The following EPHA6 variants were observed in gnomAD, a reference collection of about 807,000 sequenced individuals.
EPHA6 encodes ephrin type-A receptor 6.
EPHA6 carries 50 observed loss-of-function variants against 112.0 expected under a neutral mutation model. That is an observed-to-expected ratio of 0.45 (90% CI 0.36 to 0.56). The LOEUF is 0.56. Ranked by LOEUF, EPHA6 falls within the 20% of genes least tolerant of loss-of-function variation. The probability of loss-of-function intolerance (pLI) is 0.00; values close to 1 mark genes in which losing one functional copy is unlikely to be tolerated. For missense variants in EPHA6, 1,280 were observed against 1,417.4 expected (o/e 0.90, Z 1.56); for synonymous variants, 529 against 490.7 (o/e 1.08, Z -1.03).
intron 5 of EPHA6, among the ~76,000 whole-genome samples, chr3:97,248,368 T>G (rs1238089892): frequency 6.6e-6 from 1 of 152,020 alleles, no homozygotes; most frequent in Non-Finnish European, 1.5e-5. Context: ...ACATTTGATT[T>G]TAGTCTTCAG....
chr3:97,299,220 A>AGTGT (rs60777824), intron 5 of EPHA6, among the ~76,000 whole-genome samples: 19 of 133,390 alleles, frequency 1.4e-4, no homozygotes, highest in African/African-American at 4.4e-4. Flanking sequence ...TGTAGGGGGG[A>AGTGT]GTGTGTGTGT....
intron 3 of EPHA6, among the ~76,000 whole-genome samples, chr3:97,129,676 G>A (rs1468837941): frequency 1.3e-5 from 2 of 152,128 alleles, no homozygotes; most frequent in Admixed American, 1.3e-4. Context: ...GAGTTTTGCA[G>A]TAGTAGAGAG....
At chr3:97,072,488 A>C (rs2046391795) in intron 3 of EPHA6, among the ~76,000 whole-genome samples, 1 of 152,054 alleles carries the variant, frequency 6.6e-6, no homozygotes, top group Non-Finnish European at 1.5e-5. Context: ...AGCCGTTAGA[A>C]GGCACCAACC....
intron 14 of EPHA6, among the ~76,000 whole-genome samples, chr3:97,644,496 A>T (rs555026665): frequency 5.3e-4 from 80 of 152,184 alleles, no homozygotes; most frequent in African/African-American, 1.9e-3. Context: ...TAATGAATCC[A>T]GGAGCTGGTT....
chr3:97,718,658 C>A (rs958901389), intron 14 of EPHA6, among the ~76,000 whole-genome samples: 1 of 152,130 alleles, frequency 6.6e-6, no homozygotes, highest in South Asian at 2.1e-4. Context: ...TCCCTGCCCC[C>A]CAACACTCTT....
rs568480843 is a variant in EPHA6, at chr3:96,840,508, C to T, written c.385+25500C>T. ...GCCTTCGTTATTCTGGACCTTGGGC[C>T]TGTAGTCGTGAGCAAGAGTGATAGC... On this transcript the variant is annotated intron_variant, in intron 1 of 17. Coordinates refer to ENST00000389672, the MANE Select transcript of EPHA6 (RefSeq NM_001080448.3). Among the ~76,000 whole-genome samples, 191 of 152,166 alleles carry T rather than the reference C, an allele frequency of 1.3e-3. 1 individual carries two copies. Among genetic ancestry groups the T allele is most frequent in the Middle Eastern group, 0.01 (3 of 294 alleles).
intron 10 of EPHA6, among the ~76,000 whole-genome samples, chr3:97,513,165 C>T (rs868036343): frequency 1.3e-5 from 2 of 152,068 alleles, no homozygotes; most frequent in African/African-American, 2.4e-5. Context: ...AGACAAAATC[C>T]TTGTCCTCAA....
At chr3:97,382,939 G>A (rs992884955) in intron 5 of EPHA6, among the ~76,000 whole-genome samples, 2 of 152,070 alleles carry the variant, frequency 1.3e-5, no homozygotes, top group Admixed American at 1.3e-4. Context: ...ATCTACTCAT[G>A]TCCTGAAGAT....
intron 15 of EPHA6, among the ~76,000 whole-genome samples, chr3:97,727,335 T>C (rs1486457): frequency 0.98 from 149,315 of 152,174 alleles, 73,277 homozygotes; most frequent in East Asian, 0.99. Context: ...TGGTCAGAAA[T>C]AAACTTTTGA....
In EPHA6 at chr3:97,297,375, G is replaced by T. The variant is rs368977847; in HGVS notation, c.1606+53088G>T. ...TATTTTGATTGTTCTTTATGGAAAA[G>T]GCTAGTTCTGGCTGCCTTCAGTCAG... On this transcript the variant is annotated intron_variant, in intron 5 of 17. Transcript: ENST00000389672. 6.6e-5 allele frequency among the ~76,000 whole-genome samples: 10 copies of T among 152,100 alleles called. No individual in the cohort carries two copies. The East Asian group carries it at 1.9e-3, about 29-fold the overall frequency.
intron 3 of EPHA6, among the ~76,000 whole-genome samples, chr3:97,143,803 TTTTTAAGAGATAA>T (rs1157222775): frequency 5.3e-5 from 8 of 151,820 alleles, no homozygotes; most frequent in African/African-American, 1.4e-4. Flanking sequence ...GGAGACTCCT[TTTTTAAGAGATAA>T]TGGTCTTTTA....
chr3:97,250,282 A>G (rs1027971360), intron 5 of EPHA6, among the ~76,000 whole-genome samples: 8 of 152,180 alleles, frequency 5.3e-5, no homozygotes, highest in Non-Finnish European at 8.8e-5. Flanking sequence ...TCAACACTAA[A>G]CCATCCTTTA....
chr3:96,972,903 G>T (rs1559634085), intron 2 of EPHA6, among the ~76,000 whole-genome samples: 1 of 152,166 alleles, frequency 6.6e-6, no homozygotes, highest in Non-Finnish European at 1.5e-5. Flanking sequence ...GAGGGAAGAA[G>T]ATATAAATTT....
intron 3 of EPHA6, among the ~76,000 whole-genome samples, chr3:97,121,718 G>A (rs1455486527): frequency 1.3e-5 from 2 of 152,000 alleles, no homozygotes; most frequent in Non-Finnish European, 2.9e-5. Flanking sequence ...TTACTGAAAG[G>A]AGTATGCTAG....
At chr3:97,335,308 C>A (rs1224827070) in intron 5 of EPHA6, among the ~76,000 whole-genome samples, 1 of 152,124 alleles carries the variant, frequency 6.6e-6, no homozygotes, top group Non-Finnish European at 1.5e-5. Flanking sequence ...CAGCCATCTG[C>A]AATACTTGCA....
chr3:97,578,965 C>A (rs959885874), intron 11 of EPHA6, among the ~76,000 whole-genome samples: 1 of 152,076 alleles, frequency 6.6e-6, no homozygotes, highest in Non-Finnish European at 1.5e-5. Context: ...TCAATATATG[C>A]CATTAACCTA....
intron 3 of EPHA6, among the ~76,000 whole-genome samples, chr3:97,045,395 A>G (rs2045470456): frequency 6.6e-6 from 1 of 152,088 alleles, no homozygotes; most frequent in African/African-American, 2.4e-5. Context: ...TAAATAGCAT[A>G]GAGCAAAAAT....
At chr3:96,990,819 C>CA (rs894451448) in intron 3 of EPHA6, among the ~76,000 whole-genome samples, 44 of 151,388 alleles carry the variant, frequency 2.9e-4, no homozygotes, top group Non-Finnish European at 4.4e-4. Flanking sequence ...ACTTTTCTCA[C>CA]AAAAAAAATC....
At position 97,192,059 on chromosome 3, in the gene EPHA6, G is replaced by T. The variant is rs576376638; in HGVS notation, c.1115-34205G>T. Among the ~76,000 whole-genome samples, 41 of 152,120 alleles carry T rather than the reference G, an allele frequency of 2.7e-4. No homozygotes were observed. The East Asian group carries it at 5.2e-3, about 19-fold the overall frequency. On this transcript the variant is annotated intron_variant, in intron 3 of 17. Transcript: ENST00000389672. ...TGAGATGATATCTTATTGTATTTTT[G>T]ATTTGCATTTCTGTGATAATCAATG...
Sources: gnomAD v4.1 joint callset for allele counts (sites outside exome capture counted in the v4.1 genomes callset) on GRCh38, gnomAD v4.1.1 for gene constraint, MANE v1.5 for transcripts, NCBI Gene and HGNC (gene_info 2026-07-23, HGNC 2026-07-21) for gene names.